SLC12A8: variants seen among roughly 807,000 people sequenced by gnomAD.
SLC12A8 encodes solute carrier family 12 member 8.
A neutral mutation model predicts 75.6 loss-of-function variants in SLC12A8; 69 were observed. That is an observed-to-expected ratio of 0.91 (90% CI 0.75 to 1.11). The LOEUF (loss-of-function observed/expected upper bound fraction) is 1.11. Ranked by LOEUF, SLC12A8 falls within the 50% of genes most tolerant of loss-of-function variation. The pLI is 0.00. For synonymous variants in SLC12A8, 365 were observed against 372.8 expected (o/e 0.98, Z 0.24); for missense variants, 877 against 896.7 (o/e 0.98, Z 0.28).
intron 5 of SLC12A8, among the ~76,000 whole-genome samples, chr3:125,150,577 G>T (rs1933894872): frequency 1.3e-5 from 2 of 152,116 alleles, no homozygotes; most frequent in African/African-American, 4.8e-5. Context: ...TGAGTTTCTA[G>T]ATAATTCCGA....
At chr3:125,168,102 G>C (rs898629406) in intron 5 of SLC12A8, among the ~76,000 whole-genome samples, 7 of 152,222 alleles carry the variant, frequency 4.6e-5, no homozygotes, top group African/African-American at 1.7e-4. Context: ...ATCCTCAAGG[G>C]ATAAATTCTG....
intron 7 of SLC12A8, 51 bp from the exon 8 acceptor site, chr3:125,118,907 C>G: frequency 8.0e-7 from 1 of 1,255,976 alleles, no homozygotes; most frequent in Non-Finnish European, 1.2e-6. Context: ...CCTCACCCAG[C>G]CCCATCCAAT....
At chr3:125,158,243 CAG>C (rs749981013) in intron 5 of SLC12A8, among the ~76,000 whole-genome samples, 3 of 150,626 alleles carry the variant, frequency 2.0e-5, no homozygotes, top group African/African-American at 4.9e-5. Flanking sequence ...TTTTTTGAGA[CAG>C]AGTCTCGCTC....
chr3:125,096,493 A>C (rs1052567973), intron 10 of SLC12A8, among the ~76,000 whole-genome samples: 11 of 152,160 alleles, frequency 7.2e-5, no homozygotes, highest in East Asian at 5.8e-4. Context: ...GGTATTCCAT[A>C]CATGTGGGTG....
At chr3:125,111,085 CTTCTCAGTG>C (rs1939175303) in intron 8 of SLC12A8, among the ~76,000 whole-genome samples, 1 of 152,220 alleles carries the variant, frequency 6.6e-6, no homozygotes, top group Non-Finnish European at 1.5e-5. Flanking sequence ...ACAGTAGTTG[CTTCTCAGTG>C]CTCCATAGCA....
At chr3:125,159,411 G>A (rs1377912732) in intron 5 of SLC12A8, among the ~76,000 whole-genome samples, 1 of 151,808 alleles carries the variant, frequency 6.6e-6, no homozygotes, top group Non-Finnish European at 1.5e-5. Context: ...ATTTTTAAAA[G>A]GATATAAATC....
intron 5 of SLC12A8, among the ~76,000 whole-genome samples, chr3:125,170,816 G>A (rs2107783874): frequency 6.6e-6 from 1 of 152,346 alleles, no homozygotes; most frequent in East Asian, 1.9e-4. Context: ...TCAGGAGGCT[G>A]AGGCAGGAGA....
chr3:125,143,466 G>A (rs1202819854), intron 5 of SLC12A8, among the ~76,000 whole-genome samples: 1 of 152,254 alleles, frequency 6.6e-6, no homozygotes, highest in Non-Finnish European at 1.5e-5. Context: ...CTCCTCTCTG[G>A]CTTCAGCCCT....
chr3:125,091,621 G>A, intron 11 of SLC12A8, 65 bp from the exon 12 acceptor site: 1 of 1,032,702 alleles, frequency 9.7e-7, no homozygotes, highest in Non-Finnish European at 1.5e-6. Flanking sequence ...CAAGCCACAA[G>A]GCTAATGTCT....
chr3:125,089,114 T>C (rs900453221), intron 12 of SLC12A8, among the ~76,000 whole-genome samples: 2 of 152,200 alleles, frequency 1.3e-5, no homozygotes, highest in African/African-American at 2.4e-5. Flanking sequence ...ATTGATTAGA[T>C]AATGTTCAAT....
At chr3:125,118,238 A>G (rs1192701989) in intron 8 of SLC12A8, among the ~76,000 whole-genome samples, 1 of 152,186 alleles carries the variant, frequency 6.6e-6, no homozygotes, top group Non-Finnish European at 1.5e-5. Flanking sequence ...TCTGGGCATC[A>G]TTATCTGTTT....
Position 125,135,703 on chromosome 3 carries a change from GA to G in SLC12A8, c.701del (p.Phe234SerfsTer67). 6.2e-7 allele frequency: 1 copy of G among 1,609,244 alleles called. No individual in the cohort carries two copies. The highest frequency in any genetic ancestry group is 1.7e-5 in the Admixed American group (1 of 59,702). On this transcript the variant is annotated frameshift_variant, in exon 6 of 14. Coordinates refer to ENST00000469902, the MANE Select transcript of SLC12A8 (RefSeq NM_024628.6). LOFTEE classifies it high-confidence loss of function. ...LPDYSPGESFFTVFGVFFPAA... is the reference protein window; with the variant it reads ...LPDYSPGESFXTVFGVFFPAA... ...CTGGGAAGAAAACCCCAAAGACAGTGAAAAAAGATTCCCCCGGGCTGTAATC... is the reference window on the plus strand; with the variant it reads ...CTGGGAAGAAAACCCCAAAGACAGTGAAAAAGATTCCCCCGGGCTGTAATC...
intron 5 of SLC12A8, among the ~76,000 whole-genome samples, chr3:125,150,304 C>T (rs888510300): frequency 2.0e-5 from 3 of 152,168 alleles, no homozygotes; most frequent in African/African-American, 2.4e-5. Context: ...CTGGTTACTA[C>T]CCCAACAGTC....
chr3:125,116,934 C>T (rs141702598), intron 8 of SLC12A8, among the ~76,000 whole-genome samples: 14 of 152,262 alleles, frequency 9.2e-5, no homozygotes, highest in African/African-American at 1.4e-4. Flanking sequence ...AAACTTCAGA[C>T]GGAAGCATGC....
rs1433914187 is a variant in SLC12A8, at chr3:125,107,571, T to G, written c.1615A>C (p.Thr539Pro). ...EGQESCWNKQ[T>P]SKSEGTQPEG... is the part of the protein sequence containing the mutation. Reference sequence around the variant, plus strand: ...GGCTGAGTCCCTTCGCTCTTGGAAGTCTGCTTGTTCCAGCAGGACTCCTGC... The same window carrying G: ...GGCTGAGTCCCTTCGCTCTTGGAAGGCTGCTTGTTCCAGCAGGACTCCTGC... Residue 539 changes from threonine (T) to proline (P), a missense_variant, in exon 10 of 14, where the codon ACT (threonine) becomes CCT (proline). By Grantham distance (38) the Thr-to-Pro change is conservative (BLOSUM62 -1). Coordinates refer to ENST00000469902, the MANE Select transcript of SLC12A8 (RefSeq NM_024628.6). 1 of 1,614,044 alleles carries G rather than the reference T, an allele frequency of 6.2e-7. No individual in the cohort carries two copies. Among genetic ancestry groups the G allele is most frequent in the Non-Finnish European group, 8.5e-7 (1 of 1,180,020 alleles).
At chr3:125,138,890 T>A (rs1202035858) in intron 5 of SLC12A8, among the ~76,000 whole-genome samples, 3 of 118,212 alleles carry the variant, frequency 2.5e-5, no homozygotes, top group Non-Finnish European at 3.7e-5. Context: ...ACACACACAC[T>A]TAGCAGGGCA....
At chr3:125,102,733 C>T (rs1938913472) in intron 10 of SLC12A8, among the ~76,000 whole-genome samples, 1 of 152,022 alleles carries the variant, frequency 6.6e-6, no homozygotes, top group Non-Finnish European at 1.5e-5. Flanking sequence ...CCTGAAAATC[C>T]AATGAGAAGA....
At chr3:125,106,133 G>A (rs1179027979) in intron 10 of SLC12A8, among the ~76,000 whole-genome samples, 3 of 152,136 alleles carry the variant, frequency 2.0e-5, no homozygotes, top group Admixed American at 6.5e-5. Flanking sequence ...CTGGGAATGG[G>A]ACTGGAAATA....
intron 5 of SLC12A8, among the ~76,000 whole-genome samples, chr3:125,175,579 C>A (rs74559716): frequency 6.6e-6 from 1 of 152,166 alleles, no homozygotes; most frequent in Non-Finnish European, 1.5e-5. Flanking sequence ...GCCAGTAGCA[C>A]GGCCTTGCAA....
Sources: allele counts gnomAD v4.1 joint callset (sites outside exome capture counted in the v4.1 genomes callset), GRCh38; gene constraint gnomAD v4.1.1; transcripts MANE v1.5; gene names NCBI Gene and HGNC (gene_info 2026-07-23, HGNC 2026-07-21).